Variants in PACRG observed in about 807,000 individuals in gnomAD.
PACRG encodes parkin coregulated gene protein.
Under a neutral mutation model 29.7 loss-of-function variants are expected in PACRG, and 29 were observed. The ratio of observed to expected loss-of-function variants is 0.98; its 90% CI spans 0.73 to 1.33. The LOEUF (loss-of-function observed/expected upper bound fraction) is 1.33, where lower values mean the gene tolerates loss of function less well. Ranked by LOEUF, PACRG falls within the 40% of genes most tolerant of loss-of-function variation. The probability of loss-of-function intolerance (pLI) is 0.00; values close to 1 mark genes in which losing one functional copy is unlikely to be tolerated. For missense variants in PACRG, 279 were observed against 316.2 expected, an observed-to-expected ratio of 0.88 and a Z score of 0.89; for synonymous variants, 116 against 118.7, an observed-to-expected ratio of 0.98 and a Z score of 0.15.
At chr6:163,103,861 G>A (rs1013420026) in intron 4 of PACRG, among the ~76,000 whole-genome samples, 2 of 152,184 alleles carry the variant, frequency 1.3e-5, no homozygotes, top group African/African-American at 4.8e-5. Context: ...AAAAAGCTGA[G>A]CATTGGATCA....
chr6:163,084,601 G>A lies in PACRG; in HGVS notation c.464-4658G>A, dbSNP rs574148808. Among the ~76,000 whole-genome samples the A allele has an allele frequency of 6.6e-5, 10 of 152,112 alleles. No individual in the cohort carries two copies. In the South Asian group the frequency reaches 8.3e-4, roughly 13 times the overall value. On this transcript the variant is annotated intron_variant, in intron 3 of 4. Coordinates refer to ENST00000366888, the MANE Select transcript of PACRG (RefSeq NM_001080379.2). ...AGAGCTCCATTTTAGATGCCATTAC[G>A]CGTTACAGTTCAGGCATTTTACTTC...
At chr6:163,314,763 G>C in intron 4 of PACRG, 64 bp from the exon 5 acceptor site, 5 of 1,569,886 alleles carry the variant, frequency 3.2e-6, no homozygotes, top group East Asian at 2.2e-5. Context: ...TGCCTAGACT[G>C]TGTAGGACTT....
chr6:162,984,624 C>T (rs1802716806), intron 2 of PACRG, among the ~76,000 whole-genome samples: 1 of 152,010 alleles, frequency 6.6e-6, no homozygotes, highest in African/African-American at 2.4e-5. Context: ...TACTAGTTTA[C>T]ATTCCCATCA....
At chr6:163,162,707 A>G (rs1476163140) in intron 4 of PACRG, among the ~76,000 whole-genome samples, 1 of 152,226 alleles carries the variant, frequency 6.6e-6, no homozygotes, top group African/African-American at 2.4e-5. Context: ...CCCAGGTGGT[A>G]CATGCAGCCA....
chr6:163,028,873 G>A (rs1048688507), intron 2 of PACRG, among the ~76,000 whole-genome samples: 1 of 152,112 alleles, frequency 6.6e-6, no homozygotes, highest in Admixed American at 6.6e-5. Context: ...CCCAACTGGG[G>A]AGGGCAGGAA....
chr6:162,868,406 G>T (rs1057223538), intron 2 of PACRG, among the ~76,000 whole-genome samples: 2 of 152,210 alleles, frequency 1.3e-5, no homozygotes, highest in Non-Finnish European at 2.9e-5. Context: ...TGAGGAAAGC[G>T]CTTCCCATAG....
rs1783727514 is a variant in PACRG, at chr6:163,269,936, AAAGAAAGAAAGAAAGAAAGAAAG to A, written c.614-44888_614-44866del. Among the ~76,000 whole-genome samples, 80 of 15,454 alleles carry A rather than the reference AAAGAAAGAAAGAAAGAAAGAAAG, an allele frequency of 5.2e-3. 2 individuals are homozygous for A. Among genetic ancestry groups the A allele is most frequent in the Non-Finnish European group, 7.5e-3 (56 of 7,444 alleles). The allele number at this position is 15,454 out of a possible 152,430, so 10.1% of individuals were successfully genotyped here. A position where few individuals can be genotyped will look rare whatever the true frequency, so the allele number is the denominator to read the frequency against. On this transcript the variant is annotated intron_variant, in intron 4 of 4. Transcript: ENST00000366888. ...AAAGAAAGAAAGAAAGAAAACAAAG[AAAGAAAGAAAGAAAGAAAGAAAG>A]AAAGAAAGAAAGAAAGAAAGAAAGA...
chr6:163,311,667 A>T (rs1458830355), intron 4 of PACRG, among the ~76,000 whole-genome samples: 2 of 152,202 alleles, frequency 1.3e-5, no homozygotes, highest in Non-Finnish European at 2.9e-5. Context: ...TACCCCAATG[A>T]TACGCATTCT....
chr6:162,894,515 G>A (rs1473133830), intron 2 of PACRG, among the ~76,000 whole-genome samples: 2 of 152,152 alleles, frequency 1.3e-5, no homozygotes, highest in African/African-American at 4.8e-5. Context: ...ATGAAAAAAG[G>A]CAGTCAGGTT....
intron 1 of PACRG, among the ~76,000 whole-genome samples, chr6:162,807,589 A>G (rs1786463336): frequency 6.6e-6 from 1 of 152,154 alleles, no homozygotes; most frequent in Non-Finnish European, 1.5e-5. Context: ...TTATGGATTA[A>G]ATTTGTTGCC....
chr6:163,178,317 G>A lies in PACRG; in HGVS notation c.613+88909G>A, dbSNP rs559574712. Among the ~76,000 whole-genome samples the A allele has an allele frequency of 2.2e-4, 34 of 152,292 alleles. 1 individual carries two copies. The highest frequency in any genetic ancestry group is 1.6e-3 in the Admixed American group (25 of 15,308). ...CCACCCTCACAGCTCGGCGTGGCAC[G>A]GACGTGCTGATCTTATGGTCAGAGG... On this transcript the variant is annotated intron_variant, in intron 4 of 4. Coordinates refer to ENST00000366888, the MANE Select transcript of PACRG (RefSeq NM_001080379.2).
intron 4 of PACRG, among the ~76,000 whole-genome samples, chr6:163,309,252 G>A (rs1785312086): frequency 1.3e-5 from 2 of 152,228 alleles, no homozygotes; most frequent in African/African-American, 2.4e-5. Context: ...GCCCTAGACC[G>A]ATGGCGGTGC....
intron 4 of PACRG, among the ~76,000 whole-genome samples, chr6:163,300,498 A>T (rs1017756299): frequency 2.4e-4 from 36 of 152,204 alleles, no homozygotes; most frequent in African/African-American, 8.4e-4. Flanking sequence ...CTCTTCCTGC[A>T]GGGAAAGATG....
chr6:162,976,551 A>G (rs1349554575), intron 2 of PACRG, among the ~76,000 whole-genome samples: 1 of 152,198 alleles, frequency 6.6e-6, no homozygotes, highest in African/African-American at 2.4e-5. Context: ...GTACAGAAAG[A>G]TAATAAGATA....
chr6:163,188,360 T>G (rs554433730), intron 4 of PACRG, among the ~76,000 whole-genome samples: 2 of 152,362 alleles, frequency 1.3e-5, no homozygotes, highest in East Asian at 3.9e-4. Flanking sequence ...ATCAAAATGA[T>G]TGAGCTTACT....
At chr6:162,935,834 G>A (rs1280749867) in intron 2 of PACRG, among the ~76,000 whole-genome samples, 1 of 152,108 alleles carries the variant, frequency 6.6e-6, no homozygotes, top group East Asian at 1.9e-4. Context: ...CTTAATGTTT[G>A]TTATCATATA....
chr6:162,888,049 C>T (rs1205582274), intron 2 of PACRG, among the ~76,000 whole-genome samples: 1 of 152,146 alleles, frequency 6.6e-6, no homozygotes. Context: ...GTTGCAGCAG[C>T]CTCAGGAGGA....
intron 1 of PACRG, among the ~76,000 whole-genome samples, chr6:162,789,244 T>C (rs1784751996): frequency 6.6e-6 from 1 of 152,192 alleles, no homozygotes; most frequent in African/African-American, 2.4e-5. Context: ...TCTTAAAAGC[T>C]TGGAACAATT....
At chr6:162,734,866 A>T (rs960768883) in intron 1 of PACRG, among the ~76,000 whole-genome samples, 3 of 152,208 alleles carry the variant, frequency 2.0e-5, no homozygotes, top group Non-Finnish European at 4.4e-5. Context: ...TGTCAACACC[A>T]CAGAACCCCA....
Sources: gnomAD v4.1 joint callset for allele counts (sites outside exome capture counted in the v4.1 genomes callset) on GRCh38, gnomAD v4.1.1 for gene constraint, MANE v1.5 for transcripts, NCBI Gene and HGNC (gene_info 2026-07-23, HGNC 2026-07-21) for gene names.